The following OTOGL variants were observed in gnomAD, a reference collection of about 807,000 sequenced individuals.
OTOGL encodes the protein otogelin-like protein.
OTOGL carries 285 observed loss-of-function variants against 318.5 expected under a neutral mutation model. The ratio of observed to expected loss-of-function variants is 0.89; its 90% CI spans 0.81 to 0.99. The LOEUF (loss-of-function observed/expected upper bound fraction) is 0.99, where lower values mean the gene tolerates loss of function less well. Among genes scored for constraint, OTOGL ranks in the 50% least tolerant of loss-of-function variants. The probability of loss-of-function intolerance (pLI) is 0.00; values close to 1 mark genes in which losing one functional copy is unlikely to be tolerated. For missense variants in OTOGL, 2,899 were observed against 2,845.6 expected (o/e 1.02, Z -0.43); for synonymous variants, 987 against 936.5 (o/e 1.05, Z -0.99).
chr12:80,172,402 C>G (rs1874262738), intron 1 of OTOGL, among the ~76,000 whole-genome samples: 2 of 152,186 alleles, frequency 1.3e-5, no homozygotes, highest in South Asian at 4.1e-4. Context: ...GAGCTCTTCT[C>G]CTAGCAGTTA....
chr12:80,339,575 C>A (rs1254962194), intron 43 of OTOGL, among the ~76,000 whole-genome samples: 1 of 151,878 alleles, frequency 6.6e-6, no homozygotes, highest in South Asian at 2.1e-4. Flanking sequence ...CATTATTTTA[C>A]ACATTTTAAT....
intron 1 of OTOGL, among the ~76,000 whole-genome samples, chr12:80,148,749 A>G (rs1367452559): frequency 2.6e-5 from 4 of 152,032 alleles, no homozygotes; most frequent in African/African-American, 7.2e-5. Flanking sequence ...GGCTTTGCTC[A>G]TTTGTTTTTA....
At chr12:80,207,261 G>A (rs369648036) in intron 1 of OTOGL, among the ~76,000 whole-genome samples, 2 of 152,190 alleles carry the variant, frequency 1.3e-5, no homozygotes, top group African/African-American at 4.8e-5. Flanking sequence ...GAGTGCAATG[G>A]CACGATCTCT....
intron 1 of OTOGL, among the ~76,000 whole-genome samples, chr12:80,153,694 G>T (rs1465825060): frequency 6.6e-6 from 1 of 152,078 alleles, no homozygotes; most frequent in Non-Finnish European, 1.5e-5. Flanking sequence ...AATCCTCTGT[G>T]CTCCGCCTCT....
intron 1 of OTOGL, among the ~76,000 whole-genome samples, chr12:80,167,328 A>C (rs992664321): frequency 5.3e-5 from 8 of 152,146 alleles, no homozygotes; most frequent in Non-Finnish European, 1.0e-4. Context: ...TAATAGGCTA[A>C]AAATTTTGGT....
intron 19 of OTOGL, among the ~76,000 whole-genome samples, chr12:80,264,095 C>T (rs1185629806): frequency 6.6e-6 from 1 of 152,030 alleles, no homozygotes; most frequent in East Asian, 1.9e-4. Flanking sequence ...AAACTGATCT[C>T]CAACAGCTTA....
chr12:80,237,655 G>A (rs1879986415), intron 9 of OTOGL, among the ~76,000 whole-genome samples: 1 of 152,128 alleles, frequency 6.6e-6, no homozygotes, highest in Admixed American at 6.5e-5. Flanking sequence ...TTGGGAGTAA[G>A]GGGAGAACAG....
At chr12:80,313,277 A>T (rs1371193674) in intron 30 of OTOGL, among the ~76,000 whole-genome samples, 199 bp from the exon 31 acceptor site, 2 of 152,096 alleles carry the variant, frequency 1.3e-5, no homozygotes, top group African/African-American at 4.8e-5. Context: ...TTCTTTTGCT[A>T]GTTCTTTGAT....
intron 1 of OTOGL, among the ~76,000 whole-genome samples, chr12:80,206,126 T>A (rs985803884): frequency 3.3e-5 from 5 of 152,206 alleles, no homozygotes; most frequent in Admixed American, 6.5e-5. Flanking sequence ...CAAAGTTCTT[T>A]TGTCAGGGTG....
intron 1 of OTOGL, among the ~76,000 whole-genome samples, chr12:80,106,766 C>A (rs1277495342): frequency 6.6e-6 from 1 of 152,230 alleles, no homozygotes; most frequent in South Asian, 2.1e-4. Context: ...AGCAATGCAA[C>A]AGTGGCCATT....
intron 44 of OTOGL, among the ~76,000 whole-genome samples, chr12:80,345,696 G>C (rs1251536916): frequency 6.6e-6 from 1 of 151,830 alleles, no homozygotes; most frequent in East Asian, 1.9e-4. Context: ...TTTTTCAAGA[G>C]TGACGAATTA....
rs1411935512 is a variant in OTOGL, at chr12:80,210,829, T to G, written c.80-18T>G. 1 of 1,428,092 alleles carries G rather than the reference T, an allele frequency of 7.0e-7. No individual in the cohort carries two copies. Among genetic ancestry groups the G allele is most frequent in the Non-Finnish European group, 9.3e-7 (1 of 1,072,538 alleles). The allele number at this position is 1,428,092 out of a possible 1,614,324, so 88.5% of individuals were successfully genotyped here. On this transcript the variant is annotated intron_variant, in intron 2 of 58. Coordinates refer to ENST00000547103, the MANE Select transcript of OTOGL (RefSeq NM_001378609.3). ...TTTGGATAATTTTTTTTCATTCTTA[T>G]ATATTTGTCTCTGGCAGAATATATT...
At chr12:80,138,947 CA>C (rs1871749750) in intron 1 of OTOGL, among the ~76,000 whole-genome samples, 1 of 152,160 alleles carries the variant, frequency 6.6e-6, no homozygotes, top group African/African-American at 2.4e-5. Flanking sequence ...CTATCTTTCT[CA>C]CCGTCTCTTC....
intron 20 of OTOGL, 91 bp from the exon 21 acceptor site, chr12:80,266,360 C>T: frequency 7.4e-7 from 1 of 1,342,460 alleles, no homozygotes; most frequent in Non-Finnish European, 1.0e-6. Flanking sequence ...AACAGGCCAG[C>T]TTTCATTTTC....
intron 28 of OTOGL, among the ~76,000 whole-genome samples, chr12:80,304,675 G>A (rs977648058): frequency 6.6e-6 from 1 of 152,082 alleles, no homozygotes; most frequent in Non-Finnish European, 1.5e-5. Flanking sequence ...ATAACCTTCA[G>A]TCATTGCTGT....
intron 4 of OTOGL, among the ~76,000 whole-genome samples, chr12:80,214,433 G>A (rs754561835): frequency 6.6e-6 from 1 of 152,170 alleles, no homozygotes; most frequent in Non-Finnish European, 1.5e-5. Context: ...CTCCAGGAAG[G>A]CACTTTCTAT....
chr12:80,338,969 AT>A, intron 42 of OTOGL, 105 bp from the exon 43 acceptor site: 1 of 976,164 alleles, frequency 1.0e-6, no homozygotes, highest in Non-Finnish European at 1.5e-6. Flanking sequence ...TCTTAAAAAA[AT>A]TAAAAAATAG....
intron 37 of OTOGL, among the ~76,000 whole-genome samples, chr12:80,329,537 C>G (rs1287467916): frequency 6.6e-6 from 1 of 152,206 alleles, no homozygotes; most frequent in East Asian, 1.9e-4. Context: ...TAAATTGGCT[C>G]TAATGAAACA....
At chr12:80,220,613 T>A (rs1349014423) in intron 6 of OTOGL, among the ~76,000 whole-genome samples, 1 of 38,908 alleles carries the variant, frequency 2.6e-5, no homozygotes, top group Non-Finnish European at 7.6e-5. Flanking sequence ...GGGCAAGGGC[T>A]TTTTTTTTTT....
Sources: gnomAD v4.1 joint callset for allele counts (sites outside exome capture counted in the v4.1 genomes callset) on GRCh38, gnomAD v4.1.1 for gene constraint, MANE v1.5 for transcripts, NCBI Gene and HGNC (gene_info 2026-07-23, HGNC 2026-07-21) for gene names.